Variants in UBA5 observed in about 807,000 individuals in gnomAD.
The protein encoded by UBA5 is ubiquitin like modifier activating enzyme 5.
UBA5 carries 28 observed loss-of-function variants against 52.9 expected under a neutral mutation model. That is an observed-to-expected ratio of 0.53 (90% CI 0.39 to 0.73). The LOEUF (loss-of-function observed/expected upper bound fraction) is 0.73, where lower values mean the gene tolerates loss of function less well. Ranked by LOEUF, UBA5 falls within the 30% of genes least tolerant of loss-of-function variation. The pLI, the probability that UBA5 is intolerant of heterozygous loss-of-function variation, is 0.00. For synonymous variants in UBA5, 135 were observed against 162.1 expected, an observed-to-expected ratio of 0.83 and a Z score of 1.27; for missense variants, 388 against 492.7, an observed-to-expected ratio of 0.79 and a Z score of 2.01.
At chr3:132,668,046 G>A (rs1938447541) in intron 3 of UBA5, 1 of 151,876 alleles carries the variant, frequency 6.6e-6, no homozygotes, top group African/African-American at 2.4e-5. Context: ...TTATTGTTTA[G>A]TGTGCTGAGA....
upstream of UBA5, chr3:132,659,680 G>C: frequency 6.2e-7 from 1 of 1,611,350 alleles, no homozygotes; most frequent in Non-Finnish European, 8.5e-7. Context: ...AGGCCTCCAG[G>C]GACTTGCTGT....
Position 132,676,369 on chromosome 3 carries a change from C to G in UBA5, c.1132-74C>G. 3 of 1,188,342 alleles carry G rather than the reference C, an allele frequency of 2.5e-6. No homozygotes were observed. The South Asian group carries it at 4.1e-5, about 16-fold the overall frequency. The allele number at this position is 1,188,342 out of a possible 1,614,324, so 73.6% of individuals were successfully genotyped here. A position where few individuals can be genotyped will look rare whatever the true frequency, so the allele number is the denominator to read the frequency against. On this transcript the variant is annotated intron_variant, in intron 11 of 11. Coordinates refer to ENST00000356232, the MANE Select transcript of UBA5 (RefSeq NM_024818.6). This position sits in a 1 kb window ranked among gnomAD's most constrained non-coding sequence, Gnocchi z 4.1. ...CCTTGTTGAGCATGGTCAAAACTTG[C>G]TGATTATATATTCCTAAGCATCAAG...
chr3:132,662,246 G>A (rs1343012539), intron 1 of UBA5, among the ~76,000 whole-genome samples: 1 of 152,174 alleles, frequency 6.6e-6, no homozygotes, highest in Non-Finnish European at 1.5e-5. Context: ...GCTGTTCACT[G>A]ATATATGGAA....
intron 4 of UBA5, 30 bp downstream of exon 4, chr3:132,668,957 T>C (rs758456571): frequency 1.5e-5 from 21 of 1,369,702 alleles, no homozygotes; most frequent in Non-Finnish European, 2.1e-5. Flanking sequence ...AGTACCATAT[T>C]CAGTGAAATC....
Position 132,660,782 on chromosome 3 carries a change from C to G in UBA5, c.161+84C>G, listed in dbSNP as rs958336173. The G allele has an allele frequency of 5.2e-5, 76 of 1,450,774 alleles. No individual in the cohort carries two copies. The highest frequency in any genetic ancestry group is 6.8e-5 in the Non-Finnish European group (75 of 1,098,710). The allele number at this position is 1,450,774 out of a possible 1,614,324, so 89.9% of individuals were successfully genotyped here. On this transcript the variant is annotated intron_variant, in intron 1 of 11. Coordinates refer to ENST00000356232, the MANE Select transcript of UBA5 (RefSeq NM_024818.6). The surrounding 1 kb of genome is among the most constrained non-coding windows in gnomAD (Gnocchi z 4.1). ...CAGAAGTGAGGCGCTTCCCACGTCC[C>G]GCTCATGGGGACGCCCGCCACCCTT...
At chr3:132,659,300 G>C (rs922631989), upstream of UBA5, among the ~76,000 whole-genome samples, 26 of 152,196 alleles carry the variant, frequency 1.7e-4, no homozygotes, top group Non-Finnish European at 3.4e-4. Flanking sequence ...CTATTTCTCA[G>C]AATTTGTAGC....
At chr3:132,666,222 A>G in intron 3 of UBA5, 149 bp downstream of exon 3, 1 of 617,720 alleles carries the variant, frequency 1.6e-6, no homozygotes, top group Non-Finnish European at 2.8e-6. Flanking sequence ...GTTGAGACAT[A>G]TCCCCACCCA....
rs868028678 is a variant in UBA5 at position 132,676,591 on chromosome 3, T to A, written c.*65T>A. The A allele has an allele frequency of 1.7e-4, 197 of 1,172,248 alleles. 1 individual carries two copies. The highest frequency in any genetic ancestry group is 1.1e-3 in the Middle Eastern group (4 of 3,778). The allele number at this position is 1,172,248 out of a possible 1,614,324, so 72.6% of individuals were successfully genotyped here. Reference sequence around the variant, plus strand: ...CTCTTCCCTTGAAATTAAAAAAAAATTTTAACTGATAAAACTTAGGGCAAC... The same window carrying A: ...CTCTTCCCTTGAAATTAAAAAAAAAATTTAACTGATAAAACTTAGGGCAAC... On this transcript the variant is annotated 3_prime_UTR_variant, in exon 12 of 12. Transcript: ENST00000356232. This position sits in a 1 kb window ranked among gnomAD's most constrained non-coding sequence, Gnocchi z 4.1.
rs1196434113 is a variant in UBA5, at chr3:132,676,502, C to T, written c.1191C>T (p.Leu397=). ...VEDSGESLED[L]MAKMKNM is the part of the protein sequence containing the mutation. ...ATTCTGGTGAAAGCTTGGAAGACCT[C>T]ATGGCCAAAATGAAGAATATGTAGA... The change falls in exon 12 of 12, where the codon CTC becomes CTT. Residue 397 remains leucine (L), a synonymous_variant. Transcript: ENST00000356232. This position sits in a 1 kb window ranked among gnomAD's most constrained non-coding sequence, Gnocchi z 4.1. 2.5e-6 allele frequency: 4 copies of T among 1,610,242 alleles called. No homozygotes were observed. In the Admixed American group the frequency reaches 6.7e-5, roughly 27 times the overall value.
chr3:132,675,168 G>T, intron 8 of UBA5, 80 bp from the exon 9 acceptor site: 1 of 1,040,934 alleles, frequency 9.6e-7, no homozygotes, highest in Non-Finnish European at 1.4e-6. Flanking sequence ...CTATTTCAAC[G>T]TTATTTTTAA....
intron 1 of UBA5, among the ~76,000 whole-genome samples, chr3:132,662,364 A>G (rs1440757329): frequency 1.3e-5 from 2 of 152,204 alleles, no homozygotes; most frequent in Non-Finnish European, 2.9e-5. Context: ...CTTTGTATTG[A>G]GTACTTATTG....
At chr3:132,655,867 A>G (rs572566753), upstream of UBA5, among the ~76,000 whole-genome samples, 3 of 152,366 alleles carry the variant, frequency 2.0e-5, no homozygotes, top group South Asian at 6.2e-4. Context: ...ATTATTGATT[A>G]ATTCTAAATA....
upstream of UBA5, among the ~76,000 whole-genome samples, chr3:132,655,802 T>C (rs914809195): frequency 6.6e-6 from 1 of 152,244 alleles, no homozygotes; most frequent in African/African-American, 2.4e-5. Flanking sequence ...AGATACATAT[T>C]AGGCACTCAG....
chr3:132,659,792 C>G (rs1367047162), upstream of UBA5: 2 of 1,548,934 alleles, frequency 1.3e-6, no homozygotes, highest in South Asian at 2.4e-5. Context: ...ATCCACAGGT[C>G]TCGAGTGCCG....
intron 3 of UBA5, among the ~76,000 whole-genome samples, chr3:132,666,589 T>A (rs1046747542): frequency 6.6e-6 from 1 of 152,130 alleles, no homozygotes; most frequent in African/African-American, 2.4e-5. Flanking sequence ...CTTAGATTTA[T>A]AAAGCCAGAG....
intron 3 of UBA5, chr3:132,668,190 TGTGTGTGA>T (rs985253878): frequency 2.7e-5 from 4 of 148,570 alleles, no homozygotes; most frequent in African/African-American, 7.8e-5. Flanking sequence ...TGTGTGTGTG[TGTGTGTGA>T]CAAATGCTTT....
At chr3:132,659,451 C>T, upstream of UBA5, 1 of 1,078,210 alleles carries the variant, frequency 9.3e-7, no homozygotes, top group Non-Finnish European at 1.3e-6. Context: ...TTCGGAGGGC[C>T]GGCAATAGCA....
At chr3:132,668,556 T>G (rs570062640) in intron 3 of UBA5, 1 of 215,840 alleles carries the variant, frequency 4.6e-6, no homozygotes, top group Admixed American at 5.7e-5. Context: ...TGCTTGAATT[T>G]GAATCCCATT....
In UBA5 at chr3:132,676,918, G is replaced by A. The variant is rs1488172352; in HGVS notation, c.*392G>A. 1.3e-5 allele frequency: 6 copies of A among 456,058 alleles called. No homozygotes were observed. The highest frequency in any genetic ancestry group is 2.6e-5 in the Non-Finnish European group (6 of 227,000). 28.3% of individuals were successfully genotyped at this position (456,058 alleles called of 1,614,324 possible). On this transcript the variant is annotated 3_prime_UTR_variant, in exon 12 of 12. Coordinates refer to ENST00000356232, the MANE Select transcript of UBA5 (RefSeq NM_024818.6). The surrounding 1 kb of genome is among the most constrained non-coding windows in gnomAD (Gnocchi z 4.1). ...AAGTAGTATATGATCCTCAGATACA[G>A]GGAGAAGGACAAGGCATACAGCTTA...
Sources: gnomAD v4.1 joint callset for allele counts (sites outside exome capture counted in the v4.1 genomes callset) on GRCh38, gnomAD v4.1.1 for gene constraint, Gnocchi (gnomAD v3.1) non-coding constraint, MANE v1.5 for transcripts, NCBI Gene and HGNC (gene_info 2026-07-23, HGNC 2026-07-21) for gene names.